The following SYNE2 variants were observed in gnomAD, a reference collection of about 807,000 sequenced individuals.
SYNE2 encodes nesprin-2.
SYNE2 carries 431 observed loss-of-function variants against 856.3 expected under a neutral mutation model. The observed-to-expected ratio is 0.50, with a 90% CI of 0.47 to 0.55. SYNE2 has a LOEUF of 0.55. SYNE2 is among the 20% of genes least tolerant of loss of function. The pLI is 0.00. For missense variants in SYNE2, 8,129 were observed against 8,023.2 expected, an observed-to-expected ratio of 1.01 and a Z score of -0.50; for synonymous variants, 2,923 against 2,872.3, an observed-to-expected ratio of 1.02 and a Z score of -0.56.
At chr14:64,055,757 G>A (rs775565739) in intron 48 of SYNE2, among the ~76,000 whole-genome samples, 187 bp from the exon 49 acceptor site, 2 of 151,972 alleles carry the variant, frequency 1.3e-5, no homozygotes, top group African/African-American at 2.4e-5. Context: ...ACTCTTATAA[G>A]ACTCAGAGAC....
intron 110 of SYNE2, among the ~76,000 whole-genome samples, 160 bp downstream of exon 110, chr14:64,219,570 G>T (rs2098685364): frequency 6.6e-6 from 1 of 152,194 alleles, no homozygotes; most frequent in South Asian, 2.1e-4. Flanking sequence ...AGTTGGCAAG[G>T]ACATAGATGC....
rs1365635262 is a variant in SYNE2, at chr14:64,052,757, C to T, written c.8844C>T (p.Phe2948=). Reference sequence around the variant, plus strand: ...ACAAGATAAAGTTTTGCAGACAATTCCATGAAAAAACATCAGCGCTTCAGG... The same window carrying T: ...ACAAGATAAAGTTTTGCAGACAATTTCATGAAAAAACATCAGCGCTTCAGG... ...VEHKIKFCRQ[F]HEKTSALQEE... The change falls in exon 48 of 116, where the codon TTC becomes TTT. Residue 2948 remains phenylalanine, a synonymous_variant. Transcript: ENST00000555002. 1.7e-5 allele frequency: 28 copies of T among 1,611,888 alleles called. No homozygotes were observed. Among genetic ancestry groups the T allele is most frequent in the Non-Finnish European group, 2.4e-5 (28 of 1,179,162 alleles).
intron 1 of SYNE2, among the ~76,000 whole-genome samples, chr14:63,786,621 T>C (rs927651086): frequency 4.6e-5 from 7 of 152,208 alleles, no homozygotes; most frequent in Non-Finnish European, 2.9e-5. Flanking sequence ...CTCTATTTGC[T>C]CTTCCTTCAC....
intron 71 of SYNE2, 129 bp downstream of exon 71, chr14:64,125,339 A>T (rs903990035): frequency 1.5e-6 from 2 of 1,343,170 alleles, no homozygotes; most frequent in South Asian, 2.5e-5. Context: ...GGGTCCTAGG[A>T]TTGCAAATTG....
chr14:64,032,011 C>T (rs551181714), intron 45 of SYNE2, among the ~76,000 whole-genome samples: 35 of 152,282 alleles, frequency 2.3e-4, no homozygotes, highest in South Asian at 1.0e-3. Flanking sequence ...CTCCCTGACA[C>T]GCAGCTTCTC....
rs2153577383 is a variant in SYNE2, at chr14:64,053,241, A to G, written c.9328A>G (p.Thr3110Ala). The change falls in exon 48 of 116, where the codon ACC (threonine) becomes GCC (alanine). Residue 3110 changes from threonine to alanine, a missense_variant. Thr to Ala is a moderately conservative substitution (Grantham distance 58). Around this residue, in one of 3 missense-constraint regions of SYNE2, gnomAD observed 5,410 missense variants for 5,284.8 expected, o/e 1.02. Coordinates refer to ENST00000555002, the MANE Select transcript of SYNE2 (RefSeq NM_182914.3). ...EIIKKLNENKTFDDSFKEKEI... is the reference protein window; with the variant it reads ...EIIKKLNENKAFDDSFKEKEI... Reference sequence around the variant, plus strand: ...AATAAAGAAATTAAATGAAAATAAGACCTTTGATGACTCATTCAAGGAGAA... The same window carrying G: ...AATAAAGAAATTAAATGAAAATAAGGCCTTTGATGACTCATTCAAGGAGAA... The G allele has an allele frequency of 1.2e-6, 2 of 1,610,794 alleles. No individual in the cohort carries two copies. Among genetic ancestry groups the G allele is most frequent in the Middle Eastern group, 1.7e-4 (1 of 6,042 alleles).
At chr14:64,164,652 C>CA (rs1168284550) in intron 89 of SYNE2, among the ~76,000 whole-genome samples, 1 of 152,080 alleles carries the variant, frequency 6.6e-6, no homozygotes, top group Non-Finnish European at 1.5e-5. Context: ...GGAAAACAAA[C>CA]AAACAAAAAA....
chr14:63,895,775 C>CAAAAAAAAA lies in SYNE2; in HGVS notation c.-51-13311_-51-13303dup, dbSNP rs10544076. ...GAGTGAGACCCTGTCTCCAAATCTC[C>CAAAAAAAAA]AAAAAAAAAAAAAAAAAAAACCTAG... is the stretch of plus-strand genomic sequence containing the variant. On this transcript the variant is annotated intron_variant, in intron 1 of 115. Transcript: ENST00000555002. 1.2e-4 allele frequency among the ~76,000 whole-genome samples: 11 copies of CAAAAAAAAA among 92,622 alleles called. No individual in the cohort carries two copies. In the South Asian group the frequency reaches 1.5e-3, roughly 12 times the overall value. 60.8% of individuals were successfully genotyped at this position (92,622 alleles called of 152,430 possible). A position where few individuals can be genotyped will look rare whatever the true frequency, so the allele number is the denominator to read the frequency against.
At chr14:64,106,832 C>T (rs2097775036) in intron 64 of SYNE2, among the ~76,000 whole-genome samples, 1 of 152,056 alleles carries the variant, frequency 6.6e-6, no homozygotes, top group Non-Finnish European at 1.5e-5. Flanking sequence ...TTTGAGAATA[C>T]AATGAGAATT....
rs187662550 is a variant in SYNE2 at position 64,142,117 on chromosome 14, T to C, written c.15306+29T>C. Reference sequence around the variant, plus strand: ...ATTATGCAAAAGGAGCAGAAGTCTTTTCATTGAAACAAGAAGGCTAATCAG... The same window carrying C: ...ATTATGCAAAAGGAGCAGAAGTCTTCTCATTGAAACAAGAAGGCTAATCAG... On this transcript the variant is annotated intron_variant, in intron 82 of 115. Transcript: ENST00000555002. 8.7e-5 allele frequency: 141 copies of C among 1,613,584 alleles called. No homozygotes were observed. In the African/African-American group the frequency reaches 1.5e-3, roughly 17 times the overall value.
At chr14:63,915,329 C>A (rs2095521648) in intron 2 of SYNE2, among the ~76,000 whole-genome samples, 1 of 152,024 alleles carries the variant, frequency 6.6e-6, no homozygotes, top group Non-Finnish European at 1.5e-5. Flanking sequence ...CAACTGTAGG[C>A]AATTTTGAAC....
At chr14:63,951,023 T>A (rs1021983830) in intron 7 of SYNE2, among the ~76,000 whole-genome samples, 1 of 149,864 alleles carries the variant, frequency 6.7e-6, no homozygotes, top group Non-Finnish European at 1.5e-5. Flanking sequence ...TTTTTTTTTT[T>A]AAACAAAGAA....
intron 1 of SYNE2, among the ~76,000 whole-genome samples, chr14:63,823,811 ATTC>A (rs1889318126): frequency 6.6e-6 from 1 of 151,894 alleles, no homozygotes; most frequent in Admixed American, 6.6e-5. Context: ...AATATTTTTT[ATTC>A]TTTGTAGAAA....
intron 97 of SYNE2, among the ~76,000 whole-genome samples, chr14:64,187,182 G>C (rs1312507015): frequency 6.6e-6 from 1 of 152,168 alleles, no homozygotes; most frequent in African/African-American, 2.4e-5. Context: ...GATCAGTATT[G>C]AATTAAGGGG....
intron 94 of SYNE2, among the ~76,000 whole-genome samples, chr14:64,170,692 A>G (rs1281052118): frequency 6.6e-6 from 1 of 152,152 alleles, no homozygotes; most frequent in East Asian, 1.9e-4. Flanking sequence ...CTCTTGGGCC[A>G]TGAGAGGAGG....
intron 78 of SYNE2, among the ~76,000 whole-genome samples, chr14:64,137,536 C>G (rs187589285): frequency 7.0e-4 from 107 of 152,336 alleles, no homozygotes; most frequent in African/African-American, 2.4e-3. Context: ...CAGGTATGAG[C>G]CACTGCATCC....
chr14:64,133,909 C>T (rs986355136), intron 77 of SYNE2, among the ~76,000 whole-genome samples, 160 bp from the exon 78 acceptor site: 2 of 152,134 alleles, frequency 1.3e-5, no homozygotes, highest in African/African-American at 2.4e-5. Context: ...AGATGCTGAG[C>T]GCTTACCAGG....
In SYNE2 at chr14:64,035,868, A is replaced by ATT. The variant is rs547061262; in HGVS notation, c.7221+4526_7221+4527dup. On this transcript the variant is annotated intron_variant, in intron 45 of 115. Coordinates refer to ENST00000555002, the MANE Select transcript of SYNE2 (RefSeq NM_182914.3). ...ATCACAATGCCCAGCTAATTTTTGT[A>ATT]TTTTTTTTTTTTTTTTGTAGAGACC... Among the ~76,000 whole-genome samples, 270 of 130,188 alleles carry ATT rather than the reference A, an allele frequency of 2.1e-3. 6 individuals carry two copies. The highest frequency in any genetic ancestry group is 7.1e-3 in the African/African-American group (252 of 35,540). 85.4% of individuals were successfully genotyped at this position (130,188 alleles called of 152,430 possible). A position where few individuals can be genotyped will look rare whatever the true frequency, so the allele number is the denominator to read the frequency against.
In SYNE2 at chr14:63,961,717, C is replaced by G. The variant is rs575735609; in HGVS notation, c.888+92C>G. ...ATCAAGATATAATTTGCATACAGAA[C>G]TTAAATGTACAGTTTAATGAGCATA... On this transcript the variant is annotated intron_variant, in intron 9 of 115. Transcript: ENST00000555002. 1.2e-3 allele frequency: 1,088 copies of G among 896,730 alleles called. 9 individuals carry two copies. Among genetic ancestry groups the G allele is most frequent in the Non-Finnish European group, 4.8e-4 (264 of 552,968 alleles). The allele number at this position is 896,730 out of a possible 1,614,324, so 55.5% of individuals were successfully genotyped here. A position where few individuals can be genotyped will look rare whatever the true frequency, so the allele number is the denominator to read the frequency against.
Sources: allele counts gnomAD v4.1 joint callset (sites outside exome capture counted in the v4.1 genomes callset), GRCh38; gene constraint gnomAD v4.1.1; regional missense constraint gnomAD v4.1.1; transcripts MANE v1.5; gene names NCBI Gene and HGNC (gene_info 2026-07-23, HGNC 2026-07-21).